The following C9orf43 variants were observed in gnomAD, a reference collection of about 807,000 sequenced individuals.
The protein encoded by C9orf43 is chromosome 9 open reading frame 43.
C9orf43 carries 45 observed loss-of-function variants against 59.1 expected under a neutral mutation model. The observed-to-expected ratio is 0.76, with a 90% CI of 0.60 to 0.98. The LOEUF is 0.98. C9orf43 is among the 50% of genes least tolerant of loss of function. The probability of loss-of-function intolerance (pLI) is 0.00; values close to 1 mark genes in which losing one functional copy is unlikely to be tolerated. For synonymous variants in C9orf43, 203 were observed against 196.8 expected, an observed-to-expected ratio of 1.03 and a Z score of -0.26; for missense variants, 533 against 554.9, an observed-to-expected ratio of 0.96 and a Z score of 0.40.
chr9:113,420,841 A>C, intron 4 of C9orf43: 5 of 955,704 alleles, frequency 5.2e-6, no homozygotes, highest in Non-Finnish European at 6.2e-6. Flanking sequence ...ATGGGATTGG[A>C]TTGGGAGTTG....
At position 113,425,692 on chromosome 9, in the gene C9orf43, A is replaced by G. The variant is rs545206014; in HGVS notation, c.992A>G (p.His331Arg). 2.1e-5 allele frequency: 34 copies of G among 1,614,158 alleles called. 1 individual carries two copies. The highest frequency in any genetic ancestry group is 1.8e-4 in the East Asian group (8 of 44,878). Residue 331 changes from histidine (H) to arginine (R), a missense_variant, in exon 11 of 14, where the codon CAT (histidine) becomes CGT (arginine). By Grantham distance (29) the His-to-Arg change is conservative (BLOSUM62 0). Coordinates refer to ENST00000374165, the MANE Select transcript of C9orf43 (RefSeq NM_001278629.2). ...KSDPGIQSTS[H>R]KHPVTTVHDR... ...GATCCAGGGATCCAGAGCACTTCAC[A>G]TAAACATCCAGTTACCACCGTTCAT...
intron 12 of C9orf43, 29 bp downstream of exon 12, chr9:113,428,252 A>G: frequency 6.3e-7 from 1 of 1,598,052 alleles, no homozygotes; most frequent in Non-Finnish European, 8.6e-7. Context: ...CTCTGCTAGG[A>G]CCCAGTTTCA....
At chr9:113,412,546 G>C (rs528979704) in intron 1 of C9orf43, among the ~76,000 whole-genome samples, 2 of 152,202 alleles carry the variant, frequency 1.3e-5, no homozygotes, top group Non-Finnish European at 2.9e-5. Flanking sequence ...GTGGTAGTTA[G>C]TGATTGCCTA....
chr9:113,429,209 C>G lies in C9orf43; in HGVS notation c.1209C>G (p.Asp403Glu). The change falls in exon 14 of 14, where the codon GAC becomes GAG. Residue 403 changes from aspartate (D) to glutamate (E), a missense_variant. By Grantham distance (45) the Asp-to-Glu change is conservative. Transcript: ENST00000374165. ...ELYETEPTNK[D>E]ISAPVDAVPE... is the part of the protein sequence containing the mutation. ...ATGAAACAGAACCCACTAACAAGGA[C>G]ATTAGTGCTCCAGTGGACGCTGTGC... 1 of 1,614,164 alleles carries G rather than the reference C, an allele frequency of 6.2e-7. No individual in the cohort carries two copies. The highest frequency in any genetic ancestry group is 8.5e-7 in the Non-Finnish European group (1 of 1,180,036).
In C9orf43 at chr9:113,425,719, A is replaced by G. The variant is rs1468208005; in HGVS notation, c.1019A>G (p.Asp340Gly). ...SHKHPVTTVH[D>G]RLYGYRTLPG... ...AAACATCCAGTTACCACCGTTCATG[A>G]CCGTCTCTATGGTAAGGGGAATATA... Residue 340 changes from aspartate to glycine, a missense_variant, in exon 11 of 14, where the codon GAC (aspartate) becomes GGC (glycine). Physicochemically the swap from Asp to Gly is moderately conservative, Grantham distance 94. Coordinates refer to ENST00000374165, the MANE Select transcript of C9orf43 (RefSeq NM_001278629.2). The G allele has an allele frequency of 6.2e-7, 1 of 1,613,276 alleles. No homozygotes were observed.
At position 113,429,463 on chromosome 9, in the gene C9orf43, G is replaced by A; in HGVS notation, c.*77G>A. The stretch of plus-strand genomic sequence containing the variant: ...AAAGCGGGATGGCTGGTATCCTGAG[G>A]GCAGCAACGTTTCACATAAGGGCAA... On this transcript the variant is annotated 3_prime_UTR_variant, in exon 14 of 14. Coordinates refer to ENST00000374165, the MANE Select transcript of C9orf43 (RefSeq NM_001278629.2). 7.8e-7 allele frequency: 1 copy of A among 1,276,438 alleles called. No homozygotes were observed. 79.1% of individuals were successfully genotyped at this position (1,276,438 alleles called of 1,614,324 possible). A position where few individuals can be genotyped will look rare whatever the true frequency, so the allele number is the denominator to read the frequency against.
chr9:113,422,537 G>A lies in C9orf43; in HGVS notation c.447-12G>A, dbSNP rs765500162. 3 of 1,613,280 alleles carry A rather than the reference G, an allele frequency of 1.9e-6. No individual in the cohort carries two copies. The Admixed American group carries it at 5.0e-5, about 27-fold the overall frequency. On this transcript the variant is annotated splice_polypyrimidine_tract_variant and intron_variant, in intron 5 of 13. Coordinates refer to ENST00000374165, the MANE Select transcript of C9orf43 (RefSeq NM_001278629.2). ...AGCATGTTTTGTTTTGTTTTGTTTT[G>A]TTTTTCTCCAGCCAGCATGGGAAGA...
intron 1 of C9orf43, among the ~76,000 whole-genome samples, chr9:113,411,290 G>A (rs552920708): frequency 3.3e-5 from 5 of 151,464 alleles, no homozygotes; most frequent in African/African-American, 1.2e-4. Context: ...TCAAGGTTTT[G>A]CAATGGCGTT....
At position 113,429,479 on chromosome 9, in the gene C9orf43, A is replaced by G. The variant is rs1408188367; in HGVS notation, c.*93A>G. ...TATCCTGAGGGCAGCAACGTTTCAC[A>G]TAAGGGCAAGAGGAGAGGGGCTTCT... On this transcript the variant is annotated 3_prime_UTR_variant, in exon 14 of 14. Coordinates refer to ENST00000374165, the MANE Select transcript of C9orf43 (RefSeq NM_001278629.2). 2.2e-5 allele frequency: 24 copies of G among 1,067,674 alleles called. No homozygotes were observed. Among genetic ancestry groups the G allele is most frequent in the Non-Finnish European group, 2.9e-5 (21 of 717,560 alleles). The allele number at this position is 1,067,674 out of a possible 1,614,324, so 66.1% of individuals were successfully genotyped here.
At position 113,416,682 on chromosome 9, in the gene C9orf43, G is replaced by GT. The variant is rs956009814; in HGVS notation, c.288-2415dup. Among the ~76,000 whole-genome samples the GT allele has an allele frequency of 7.0e-3, 1,018 of 146,098 alleles. 7 individuals are homozygous for GT. The highest frequency in any genetic ancestry group is 0.011 in the Admixed American group (168 of 14,632). ...GTAGAACACTTTTTCTCTTAACTAG[G>GT]TTTTTTTTTTTGTTCTTTTGTTTTT... On this transcript the variant is annotated intron_variant, in intron 3 of 13. Transcript: ENST00000374165.
chr9:113,428,060 C>T, intron 11 of C9orf43, 87 bp from the exon 12 acceptor site: 1 of 1,318,896 alleles, frequency 7.6e-7, no homozygotes, highest in Non-Finnish European at 1.1e-6. Context: ...TGCAGAGTCA[C>T]TTGTAGACTA....
Position 113,429,318 on chromosome 9 carries a change from A to C in C9orf43, c.1318A>C (p.Lys440Gln). ...TAGCACAGGCTGGAACTCTGAGCTCAAACTACTTAGGATTCTTCAGGACAC... is the reference window on the plus strand; with the variant it reads ...TAGCACAGGCTGGAACTCTGAGCTCCAACTACTTAGGATTCTTCAGGACAC... ...MASTGWNSEL[K>Q]LLRILQDTDD... The change falls in exon 14 of 14, where the codon AAA (lysine) becomes CAA (glutamine). Residue 440 changes from lysine (K) to glutamine (Q), a missense_variant. Transcript: ENST00000374165. The C allele has an allele frequency of 1.2e-6, 2 of 1,614,172 alleles. No homozygotes were observed. Among genetic ancestry groups the C allele is most frequent in the South Asian group, 1.1e-5 (1 of 91,084 alleles).
intron 5 of C9orf43, among the ~76,000 whole-genome samples, chr9:113,422,081 C>T (rs935359325): frequency 5.3e-5 from 8 of 152,132 alleles, no homozygotes; most frequent in Non-Finnish European, 1.0e-4. Flanking sequence ...ATCATATCCA[C>T]GTCCCAGGCA....
chr9:113,422,245 C>A (rs1828601017), intron 5 of C9orf43, among the ~76,000 whole-genome samples: 1 of 152,180 alleles, frequency 6.6e-6, no homozygotes, highest in Admixed American at 6.5e-5. Context: ...CTACATATAT[C>A]ATTTCTAATT....
At chr9:113,415,422 G>A (rs939386408) in intron 3 of C9orf43, among the ~76,000 whole-genome samples, 2 of 152,112 alleles carry the variant, frequency 1.3e-5, no homozygotes, top group Non-Finnish European at 2.9e-5. Context: ...GTCAATTTTT[G>A]TTATGTATAT....
intron 9 of C9orf43, 87 bp downstream of exon 9, chr9:113,425,163 T>G: frequency 6.7e-7 from 1 of 1,486,610 alleles, no homozygotes; most frequent in Non-Finnish European, 9.4e-7. Flanking sequence ...AATTCAGTTA[T>G]ATTTGTGGCC....
In C9orf43 at chr9:113,411,328, C is replaced by G. The variant is rs538729209; in HGVS notation, c.-50+327C>G. On this transcript the variant is annotated intron_variant, in intron 1 of 13. Transcript: ENST00000374165. Reference sequence around the variant, plus strand: ...TTTTTTTTTTTTTTTGAGACAGTCTCACTCTGTCGCCCAGGTTGGAGTGCA... The same window carrying G: ...TTTTTTTTTTTTTTTGAGACAGTCTGACTCTGTCGCCCAGGTTGGAGTGCA... Among the ~76,000 whole-genome samples the G allele has an allele frequency of 2.0e-5, 3 of 147,976 alleles. No individual in the cohort carries two copies. The South Asian group carries it at 6.4e-4, about 32-fold the overall frequency.
chr9:113,415,796 C>A (rs375990892), intron 3 of C9orf43, among the ~76,000 whole-genome samples: 1 of 152,090 alleles, frequency 6.6e-6, no homozygotes, highest in South Asian at 2.1e-4. Flanking sequence ...GACTTTGTTA[C>A]CTGGAATAAA....
At chr9:113,424,123 A>T in intron 7 of C9orf43, 43 bp from the exon 8 acceptor site, 1 of 1,538,900 alleles carries the variant, frequency 6.5e-7, no homozygotes, top group Non-Finnish European at 8.7e-7. Flanking sequence ...GCTTTCCGGG[A>T]AGAGCTGTTG....
Sources: allele counts gnomAD v4.1 joint callset (sites outside exome capture counted in the v4.1 genomes callset), GRCh38; gene constraint gnomAD v4.1.1; transcripts MANE v1.5; gene names NCBI Gene and HGNC (gene_info 2026-07-23, HGNC 2026-07-21).